Variants in GALNT17 observed in about 807,000 individuals in gnomAD.
GALNT17 encodes the protein UDP-GalNAc:polypeptide N-acetylgalactosaminyltransferase-like 3.
A neutral mutation model predicts 63.7 loss-of-function variants in GALNT17; 29 were observed. The observed-to-expected ratio is 0.46, with a 90% CI of 0.34 to 0.62. The LOEUF is 0.62. Ranked by LOEUF, GALNT17 falls within the 20% of genes least tolerant of loss-of-function variation. The pLI is 0.01. For missense variants in GALNT17, 603 were observed against 799.6 expected (o/e 0.75, Z 2.97); for synonymous variants, 305 against 318.3 (o/e 0.96, Z 0.45).
chr7:71,500,394 C>G (rs1329372648), intron 5 of GALNT17, among the ~76,000 whole-genome samples: 2 of 152,194 alleles, frequency 1.3e-5, no homozygotes, highest in Non-Finnish European at 2.9e-5. Context: ...GAGGCAGACC[C>G]TATTCGTGGT....
chr7:71,199,710 C>A (rs1180763172), intron 1 of GALNT17, among the ~76,000 whole-genome samples: 1 of 118,842 alleles, frequency 8.4e-6, no homozygotes, highest in Admixed American at 1.0e-4. Context: ...TCCATCCATC[C>A]ATGTATGTGT....
chr7:71,679,056 T>C (rs548056), intron 9 of GALNT17, among the ~76,000 whole-genome samples: 145,513 of 152,192 alleles, frequency 0.96, 69,821 homozygotes, highest in Non-Finnish European at 1. Context: ...CTGTGGGGAG[T>C]AGGAGATTGG....
At chr7:71,604,220 G>A (rs1790013626) in intron 6 of GALNT17, among the ~76,000 whole-genome samples, 1 of 120,288 alleles carries the variant, frequency 8.3e-6, no homozygotes, top group South Asian at 2.8e-4. Context: ...ACTATGTTAA[G>A]TGCATACAAT....
intron 5 of GALNT17, among the ~76,000 whole-genome samples, chr7:71,461,016 A>G (rs1452839689): frequency 6.6e-6 from 1 of 152,198 alleles, no homozygotes; most frequent in Non-Finnish European, 1.5e-5. Flanking sequence ...AATGCAGCCC[A>G]GTAGGTCTCA....
At chr7:71,608,960 TGGTAGCGATGGGGTCCTG>T (rs1562708922) in intron 6 of GALNT17, among the ~76,000 whole-genome samples, 6 of 147,334 alleles carry the variant, frequency 4.1e-5, no homozygotes, top group Non-Finnish European at 6.0e-5. Flanking sequence ...TTTTTTTTTT[TGGTAGCGATGGGGTCCTG>T]TTTTGTTGCC....
intron 1 of GALNT17, among the ~76,000 whole-genome samples, chr7:71,177,560 G>A (rs1585860053): frequency 6.6e-6 from 1 of 152,080 alleles, no homozygotes; most frequent in East Asian, 1.9e-4. Flanking sequence ...GGGGAGAAGG[G>A]GGAAAGTATC....
chr7:71,384,112 T>TTTTTG (rs1246490397), intron 2 of GALNT17, among the ~76,000 whole-genome samples: 5 of 152,254 alleles, frequency 3.3e-5, no homozygotes, highest in South Asian at 2.1e-4. Context: ...TATTTTCAGG[T>TTTTTG]TTTTGTTTTG....
At chr7:71,618,800 A>G (rs1790253250) in intron 6 of GALNT17, among the ~76,000 whole-genome samples, 1 of 152,112 alleles carries the variant, frequency 6.6e-6, no homozygotes, top group Non-Finnish European at 1.5e-5. Flanking sequence ...GCTTTGCAGA[A>G]GCTCTTTAGT....
intron 2 of GALNT17, among the ~76,000 whole-genome samples, chr7:71,345,181 C>A (rs1792070580): frequency 6.8e-6 from 1 of 146,986 alleles, no homozygotes; most frequent in African/African-American, 2.5e-5. Context: ...CTGAGACATA[C>A]CATTCTATAT....
intron 6 of GALNT17, among the ~76,000 whole-genome samples, chr7:71,655,669 G>A (rs76228040): frequency 0.011 from 1,715 of 152,314 alleles, 35 homozygotes; most frequent in African/African-American, 0.037. Flanking sequence ...TCCCACTAGA[G>A]AGTAAAATGA....
intron 5 of GALNT17, among the ~76,000 whole-genome samples, chr7:71,555,138 A>G (rs2116840483): frequency 6.6e-6 from 1 of 152,238 alleles, no homozygotes; most frequent in South Asian, 2.1e-4. Flanking sequence ...ACCACAGGGA[A>G]GGCACCAAAC....
At chr7:71,386,859 G>A (rs1377855225) in intron 2 of GALNT17, among the ~76,000 whole-genome samples, 2 of 152,082 alleles carry the variant, frequency 1.3e-5, no homozygotes, top group Non-Finnish European at 2.9e-5. Context: ...TGGCGTGGGT[G>A]TTTTATTTCC....
chr7:71,625,096 C>T (rs1790352652), intron 6 of GALNT17, among the ~76,000 whole-genome samples: 1 of 152,138 alleles, frequency 6.6e-6, no homozygotes, highest in African/African-American at 2.4e-5. Context: ...AGCTGAAGAA[C>T]CTAACCAAGT....
intron 6 of GALNT17, among the ~76,000 whole-genome samples, chr7:71,599,596 G>A (rs1789936283): frequency 2.0e-5 from 3 of 151,934 alleles, no homozygotes. Flanking sequence ...TCTTCTGCCT[G>A]AGTTGAGGAC....
chr7:71,595,334 G>C (rs1789869413), intron 6 of GALNT17, among the ~76,000 whole-genome samples: 1 of 151,968 alleles, frequency 6.6e-6, no homozygotes, highest in Admixed American at 6.6e-5. Flanking sequence ...GGAGGTTGAG[G>C]TGGAAGGATC....
intron 1 of GALNT17, among the ~76,000 whole-genome samples, chr7:71,187,651 G>C (rs1327869739): frequency 6.6e-6 from 1 of 152,106 alleles, no homozygotes; most frequent in Non-Finnish European, 1.5e-5. Flanking sequence ...AGGTACTGAC[G>C]TGCACATAGG....
chr7:71,278,647 G>A (rs1057063918), intron 1 of GALNT17, among the ~76,000 whole-genome samples: 4 of 152,170 alleles, frequency 2.6e-5, no homozygotes, highest in Non-Finnish European at 5.9e-5. Flanking sequence ...ATGGAGGAAG[G>A]GGAAGCAAAC....
At chr7:71,201,257 A>ATATATAT (rs10526171) in intron 1 of GALNT17, among the ~76,000 whole-genome samples, 9 of 148,186 alleles carry the variant, frequency 6.1e-5, no homozygotes, top group East Asian at 6.0e-4. Flanking sequence ...ATATATATAT[A>ATATATAT]ATTTGTGTGT....
Position 71,444,366 on chromosome 7 carries a change from G to T in GALNT17, c.962+23261G>T, listed in dbSNP as rs577821290. 5.5e-4 allele frequency among the ~76,000 whole-genome samples: 84 copies of T among 152,248 alleles called. 1 individual carries two copies. The highest frequency in any genetic ancestry group is 1.9e-3 in the African/African-American group (81 of 41,552). On this transcript the variant is annotated intron_variant, in intron 5 of 10. Transcript: ENST00000333538. ...CCTTCCTATGAGAACCAAGCAGAGGGGCTAATGTACGTGGCCTCCTGCCAT... is the reference window on the plus strand; with the variant it reads ...CCTTCCTATGAGAACCAAGCAGAGGTGCTAATGTACGTGGCCTCCTGCCAT...
Sources: allele counts gnomAD v4.1 joint callset (sites outside exome capture counted in the v4.1 genomes callset), GRCh38; gene constraint gnomAD v4.1.1; transcripts MANE v1.5; gene names NCBI Gene and HGNC (gene_info 2026-07-23, HGNC 2026-07-21).